ERC2: variants seen among roughly 807,000 people sequenced by gnomAD.
The protein encoded by ERC2 is ERC protein 2.
ERC2 carries 42 observed loss-of-function variants against 114.8 expected under a neutral mutation model. That is an observed-to-expected ratio of 0.37 (90% CI 0.29 to 0.47). The LOEUF (loss-of-function observed/expected upper bound fraction) is 0.47. Among genes scored for constraint, ERC2 ranks in the 20% least tolerant of loss-of-function variants. The pLI is 0.99. For missense variants in ERC2, 939 were observed against 1,150.7 expected, an observed-to-expected ratio of 0.82 and a Z score of 2.66; for synonymous variants, 454 against 425.5, an observed-to-expected ratio of 1.07 and a Z score of -0.82.
intron 17 of ERC2, among the ~76,000 whole-genome samples, chr3:55,651,058 A>G (rs2060602770): frequency 8.1e-6 from 1 of 123,422 alleles, no homozygotes; most frequent in Admixed American, 1.0e-4. Context: ...ACAGAGTTTC[A>G]CCATGTTGGC....
chr3:56,079,666 C>T (rs971679716), intron 7 of ERC2, among the ~76,000 whole-genome samples: 1 of 152,038 alleles, frequency 6.6e-6, no homozygotes, highest in African/African-American at 2.4e-5. Flanking sequence ...TAAGGCTCTA[C>T]GGTTACCATC....
chr3:56,359,586 T>C (rs74506039), intron 2 of ERC2, among the ~76,000 whole-genome samples: 3,643 of 152,368 alleles, frequency 0.024, 154 homozygotes, highest in African/African-American at 0.083. Flanking sequence ...CAAGGCCACA[T>C]GGCCAGTGTC....
intron 17 of ERC2, among the ~76,000 whole-genome samples, chr3:55,613,284 A>G (rs530828121): frequency 7.2e-5 from 11 of 152,330 alleles, no homozygotes; most frequent in African/African-American, 2.4e-4. Context: ...ATTATATGCT[A>G]CATTTCCCTT....
intron 3 of ERC2, among the ~76,000 whole-genome samples, chr3:56,265,277 CAG>C (rs1200814074): frequency 5.9e-5 from 9 of 152,130 alleles, no homozygotes; most frequent in Admixed American, 5.9e-4. Context: ...TAAAAAAGAA[CAG>C]AGAGTTCAGA....
intron 2 of ERC2, among the ~76,000 whole-genome samples, chr3:56,421,867 G>T (rs1258779797): frequency 6.6e-6 from 1 of 151,944 alleles, no homozygotes; most frequent in Non-Finnish European, 1.5e-5. Context: ...ATGGGTTTCT[G>T]CTACTTGCAA....
intron 2 of ERC2, among the ~76,000 whole-genome samples, chr3:56,399,179 T>C (rs929467155): frequency 6.6e-6 from 1 of 152,242 alleles, no homozygotes; most frequent in Non-Finnish European, 1.5e-5. Context: ...CATAGATACA[T>C]GGGTAACAAA....
intron 14 of ERC2, among the ~76,000 whole-genome samples, chr3:55,808,742 T>TATATATATATATATATAA (rs1455596885): frequency 2.0e-5 from 2 of 100,390 alleles, no homozygotes; most frequent in African/African-American, 8.8e-5. Flanking sequence ...TATATATATA[T>TATATATATATATATATAA]AACGTATAAC....
intron 14 of ERC2, among the ~76,000 whole-genome samples, chr3:55,866,665 T>TA (rs1370258737): frequency 2.6e-5 from 4 of 152,192 alleles, no homozygotes; most frequent in Non-Finnish European, 4.4e-5. Context: ...GCCCTGTACA[T>TA]AGCTTAGAGT....
intron 15 of ERC2, among the ~76,000 whole-genome samples, chr3:55,716,103 T>C (rs984298602): frequency 6.6e-6 from 1 of 152,202 alleles, no homozygotes; most frequent in African/African-American, 2.4e-5. Flanking sequence ...CCAAGCTGAC[T>C]TTGTGTTGAC....
At position 56,296,012 on chromosome 3, in the gene ERC2, C is replaced by T. The variant is rs757019724; in HGVS notation, c.1074+7G>A. The T allele has an allele frequency of 1.3e-6, 2 of 1,565,408 alleles. No individual in the cohort carries two copies. Among genetic ancestry groups the T allele is most frequent in the Non-Finnish European group, 8.6e-7 (1 of 1,156,122 alleles). On this transcript the variant is annotated splice_region_variant and intron_variant, in intron 3 of 17. Transcript: ENST00000288221. ...AGGCTTTGGGGAAATACAGTGAATG[C>T]TCTTACCTCTCTAAGATGTATGTTT...
intron 14 of ERC2, among the ~76,000 whole-genome samples, chr3:55,814,984 C>T (rs1016968244): frequency 4.6e-5 from 7 of 152,162 alleles, no homozygotes; most frequent in African/African-American, 1.7e-4. Flanking sequence ...CACTCTGACC[C>T]CTATTGTAGC....
At chr3:56,239,151 T>C (rs1012394061) in intron 3 of ERC2, among the ~76,000 whole-genome samples, 1 of 152,164 alleles carries the variant, frequency 6.6e-6, no homozygotes, top group African/African-American at 2.4e-5. Context: ...TGAAGATCCT[T>C]TCTAAAATAT....
At chr3:55,567,299 T>C (rs1317609128) in intron 17 of ERC2, among the ~76,000 whole-genome samples, 1 of 152,054 alleles carries the variant, frequency 6.6e-6, no homozygotes, top group Non-Finnish European at 1.5e-5. Flanking sequence ...GGCAGAGCAA[T>C]AGACCTGCGC....
chr3:55,693,887 T>A (rs1330747171), intron 16 of ERC2, among the ~76,000 whole-genome samples: 2 of 151,894 alleles, frequency 1.3e-5, no homozygotes, highest in Non-Finnish European at 2.9e-5. Context: ...TTTTGTATTT[T>A]TAGTAGAGAT....
chr3:56,185,866 G>A (rs527797797), intron 3 of ERC2, among the ~76,000 whole-genome samples: 1 of 152,132 alleles, frequency 6.6e-6, no homozygotes, highest in East Asian at 1.9e-4. Flanking sequence ...CTGGCTGGAG[G>A]CAGAGAGAGA....
Position 55,986,101 on chromosome 3 carries a change from G to T in ERC2, c.2256-113C>A, listed in dbSNP as rs2070608147. The T allele has an allele frequency of 9.0e-6, 9 of 1,001,446 alleles. No homozygotes were observed. In the South Asian group the frequency reaches 1.3e-4, roughly 14 times the overall value. The allele number at this position is 1,001,446 out of a possible 1,614,324, so 62.0% of individuals were successfully genotyped here. ...ATTAGTTTTAAACATATAGCCAACA[G>T]ATGTTATATCAGCAGGTTTATAACT... On this transcript the variant is annotated intron_variant, in intron 11 of 17. Coordinates refer to ENST00000288221, the MANE Select transcript of ERC2 (RefSeq NM_015576.3).
At chr3:56,188,752 C>A (rs967853429) in intron 3 of ERC2, among the ~76,000 whole-genome samples, 3 of 152,174 alleles carry the variant, frequency 2.0e-5, no homozygotes, top group African/African-American at 7.2e-5. Flanking sequence ...TAAATCTTTT[C>A]ACATCCTTGA....
intron 7 of ERC2, among the ~76,000 whole-genome samples, chr3:56,049,813 C>CAT (rs1189461448): frequency 2.4e-5 from 3 of 125,284 alleles, no homozygotes; most frequent in African/African-American, 8.6e-5. Flanking sequence ...AAACTCCCAT[C>CAT]ATATATGTGT....
intron 14 of ERC2, among the ~76,000 whole-genome samples, chr3:55,743,124 T>C (rs1394600231): frequency 6.6e-6 from 1 of 152,208 alleles, no homozygotes; most frequent in African/African-American, 2.4e-5. Context: ...GAATTCTGTC[T>C]TTGAAACCTA....
Sources: allele counts gnomAD v4.1 joint callset (sites outside exome capture counted in the v4.1 genomes callset), GRCh38; gene constraint gnomAD v4.1.1; transcripts MANE v1.5; gene names NCBI Gene and HGNC (gene_info 2026-07-23, HGNC 2026-07-21).